SGCZ: variants seen among roughly 807,000 people sequenced by gnomAD.
SGCZ encodes sarcoglycan zeta, also known as zeta-sarcoglycan.
SGCZ carries 40 observed loss-of-function variants against 41.3 expected under a neutral mutation model. The observed-to-expected ratio is 0.97, with a 90% CI of 0.75 to 1.26. The LOEUF (loss-of-function observed/expected upper bound fraction) is 1.26. Among genes scored for constraint, SGCZ ranks in the 50% most tolerant of loss-of-function variants. The probability of loss-of-function intolerance (pLI) is 0.00; values close to 1 mark genes in which losing one functional copy is unlikely to be tolerated. For synonymous variants in SGCZ, 206 were observed against 137.5 expected, an observed-to-expected ratio of 1.50 and a Z score of -3.49; for missense variants, 552 against 369.8, an observed-to-expected ratio of 1.49 and a Z score of -4.04.
chr8:14,944,123 C>T (rs1800366070), intron 1 of SGCZ, among the ~76,000 whole-genome samples: 1 of 152,152 alleles, frequency 6.6e-6, no homozygotes, highest in Non-Finnish European at 1.5e-5. Context: ...GCCATCCTCT[C>T]CCCGCTTCAT....
At chr8:14,373,770 T>A (rs548803466) in intron 2 of SGCZ, among the ~76,000 whole-genome samples, 2 of 152,202 alleles carry the variant, frequency 1.3e-5, no homozygotes, top group African/African-American at 4.8e-5. Flanking sequence ...ACGGTAGGTT[T>A]ACGGAAATCT....
At chr8:15,112,988 C>T (rs990631314) in intron 1 of SGCZ, among the ~76,000 whole-genome samples, 1 of 151,990 alleles carries the variant, frequency 6.6e-6, no homozygotes, top group Non-Finnish European at 1.5e-5. Flanking sequence ...GCAGGTGGAT[C>T]GCTTGGGCCC....
intron 1 of SGCZ, among the ~76,000 whole-genome samples, chr8:14,823,170 G>A (rs1479184775): frequency 2.0e-5 from 3 of 151,524 alleles, no homozygotes; most frequent in African/African-American, 7.3e-5. Context: ...ATTGGGCTAG[G>A]CAAGAAATTT....
chr8:14,424,987 A>G (rs1026316975), intron 2 of SGCZ, among the ~76,000 whole-genome samples: 48 of 152,344 alleles, frequency 3.2e-4, no homozygotes, highest in African/African-American at 1.1e-3. Flanking sequence ...ATACGTAAAT[A>G]TCATTGAAAT....
intron 2 of SGCZ, among the ~76,000 whole-genome samples, chr8:14,330,839 C>A (rs951562009): frequency 2.6e-5 from 4 of 151,556 alleles, no homozygotes; most frequent in African/African-American, 7.3e-5. Flanking sequence ...ATAGATGTAT[C>A]GATTAAAAAT....
At chr8:15,053,992 A>T (rs1302447027) in intron 1 of SGCZ, among the ~76,000 whole-genome samples, 1 of 152,158 alleles carries the variant, frequency 6.6e-6, no homozygotes, top group African/African-American at 2.4e-5. Flanking sequence ...TAAGGTATGA[A>T]ACTAACATGA....
intron 3 of SGCZ, among the ~76,000 whole-genome samples, chr8:14,257,120 C>T (rs902228270): frequency 2.6e-5 from 4 of 151,974 alleles, no homozygotes; most frequent in African/African-American, 7.3e-5. Flanking sequence ...CTTTAATCCA[C>T]GACATTGAGA....
chr8:14,985,529 CTCAGTGCCTTGAATTAGAAT>C (rs1801800794), intron 1 of SGCZ, among the ~76,000 whole-genome samples: 1 of 152,128 alleles, frequency 6.6e-6, no homozygotes, highest in East Asian at 1.9e-4. Flanking sequence ...AGAGTCTGAC[CTCAGTGCCTTGAATTAGAAT>C]TCAAAGTAAA....
intron 2 of SGCZ, among the ~76,000 whole-genome samples, chr8:14,373,797 A>G (rs950560212): frequency 6.6e-6 from 1 of 152,102 alleles, no homozygotes; most frequent in Non-Finnish European, 1.5e-5. Context: ...ACCTTTTCGT[A>G]TGAATGATAG....
At chr8:14,991,103 T>C (rs1158483858) in intron 1 of SGCZ, among the ~76,000 whole-genome samples, 1 of 152,152 alleles carries the variant, frequency 6.6e-6, no homozygotes, top group Non-Finnish European at 1.5e-5. Flanking sequence ...CCAAAACAAA[T>C]ATTTTTAACA....
At chr8:14,866,454 A>G (rs574790632) in intron 1 of SGCZ, among the ~76,000 whole-genome samples, 87 of 152,112 alleles carry the variant, frequency 5.7e-4, no homozygotes, top group Non-Finnish European at 1.1e-3. Context: ...AAAAAAACAC[A>G]CATCTATGTT....
In SGCZ at chr8:14,989,941, G is replaced by A. The variant is rs145238400; in HGVS notation, c.39+247644C>T. Among the ~76,000 whole-genome samples, 581 of 152,298 alleles carry A rather than the reference G, an allele frequency of 3.8e-3. 4 individuals carry two copies. The highest frequency in any genetic ancestry group is 0.013 in the African/African-American group (553 of 41,554). Reference sequence around the variant, plus strand: ...CTGGGTTAGGAACTCTTCCTTCTACGTGTAGGGATGGCTGGTCAAAAGTAC... The same window carrying A: ...CTGGGTTAGGAACTCTTCCTTCTACATGTAGGGATGGCTGGTCAAAAGTAC... On this transcript the variant is annotated intron_variant, in intron 1 of 7. Coordinates refer to ENST00000382080, the MANE Select transcript of SGCZ (RefSeq NM_139167.4).
At chr8:14,264,971 A>G (rs1384719053) in intron 3 of SGCZ, among the ~76,000 whole-genome samples, 1 of 152,154 alleles carries the variant, frequency 6.6e-6, no homozygotes, top group Non-Finnish European at 1.5e-5. Flanking sequence ...TCAAAAACAA[A>G]CAAACAAACA....
intron 1 of SGCZ, among the ~76,000 whole-genome samples, chr8:14,637,962 G>A (rs1242761170): frequency 6.6e-6 from 1 of 151,784 alleles, no homozygotes; most frequent in Non-Finnish European, 1.5e-5. Context: ...TTTCTCCACA[G>A]CTTTGCCAGT....
intron 1 of SGCZ, among the ~76,000 whole-genome samples, chr8:14,765,677 T>G (rs2130372077): frequency 6.6e-6 from 1 of 152,280 alleles, no homozygotes; most frequent in Admixed American, 6.5e-5. Context: ...TACAATTATT[T>G]AAATAGCTTC....
intron 2 of SGCZ, among the ~76,000 whole-genome samples, chr8:14,482,435 C>T (rs1205053078): frequency 6.6e-6 from 1 of 152,158 alleles, no homozygotes; most frequent in Non-Finnish European, 1.5e-5. Context: ...TACACTTGTG[C>T]CTGATTTTTC....
chr8:14,929,876 G>C (rs375465701), intron 1 of SGCZ, among the ~76,000 whole-genome samples: 4 of 151,852 alleles, frequency 2.6e-5, no homozygotes, highest in Non-Finnish European at 4.4e-5. Flanking sequence ...ACTTACACTT[G>C]GTAATTGTTA....
intron 1 of SGCZ, among the ~76,000 whole-genome samples, chr8:14,898,930 T>C (rs1805301502): frequency 6.6e-6 from 1 of 152,206 alleles, no homozygotes; most frequent in African/African-American, 2.4e-5. Flanking sequence ...TTCAGAATTT[T>C]CAAAATCAAC....
rs113457411 is a variant in SGCZ at position 14,551,523 on chromosome 8, TAA to T, written c.234+3207_234+3208del. On this transcript the variant is annotated intron_variant, in intron 2 of 7. Coordinates refer to ENST00000382080, the MANE Select transcript of SGCZ (RefSeq NM_139167.4). Reference sequence around the variant, plus strand: ...TTATATATATTATATATATTATATATAATATATATAATATATATAATATATAT... The same window carrying T: ...TTATATATATTATATATATTATATATTATATATAATATATATAATATATAT... Among the ~76,000 whole-genome samples, 25 of 10,834 alleles carry T rather than the reference TAA, an allele frequency of 2.3e-3. 1 individual carries two copies. The highest frequency in any genetic ancestry group is 8.5e-3 in the South Asian group (3 of 354). 7.1% of individuals were successfully genotyped at this position (10,834 alleles called of 152,430 possible). A position where few individuals can be genotyped will look rare whatever the true frequency, so the allele number is the denominator to read the frequency against.
Sources: gnomAD v4.1 joint callset for allele counts (sites outside exome capture counted in the v4.1 genomes callset) on GRCh38, gnomAD v4.1.1 for gene constraint, MANE v1.5 for transcripts, NCBI Gene and HGNC (gene_info 2026-07-23, HGNC 2026-07-21) for gene names.